DGCR2: variants seen among roughly 807,000 people sequenced by gnomAD.
DGCR2 encodes DiGeorge syndrome critical region gene 2, also known as integral membrane protein DGCR2/IDD.
In DGCR2, 24 loss-of-function variants were observed where a neutral mutation model predicts 51.6. The observed-to-expected ratio is 0.47, with a 90% confidence interval of 0.34 to 0.65. DGCR2 has a LOEUF of 0.65. DGCR2 is among the 30% of genes least tolerant of loss of function. The pLI is 0.01. For missense variants in DGCR2, 765 were observed against 772.1 expected, an observed-to-expected ratio of 0.99 and a Z score of 0.11; for synonymous variants, 340 against 315.4, an observed-to-expected ratio of 1.08 and a Z score of -0.82.
At position 19,057,304 on chromosome 22, in the gene DGCR2, T is replaced by C; in HGVS notation, c.626-142A>G. ...AGTACTGGTGGTCACTGTGGCCAGGTGTTCACTCGGGACTCCCCAACCTCC... is the reference window on the plus strand; with the variant it reads ...AGTACTGGTGGTCACTGTGGCCAGGCGTTCACTCGGGACTCCCCAACCTCC... On this transcript the variant is annotated intron_variant, in intron 5 of 9. Transcript: ENST00000263196. This position sits in a 1 kb window ranked among gnomAD's most constrained non-coding sequence, Gnocchi z 5.1. The C allele has an allele frequency of 1.0e-6, 1 of 983,080 alleles. No individual in the cohort carries two copies. The allele number at this position is 983,080 out of a possible 1,614,324, so 60.9% of individuals were successfully genotyped here.
chr22:19,114,151 G>GA (rs148030541), intron 1 of DGCR2, among the ~76,000 whole-genome samples: 22,608 of 112,888 alleles, frequency 0.2, 1,759 homozygotes, highest in South Asian at 0.31. Context: ...TGTTACCAAA[G>GA]GAAAAAAAAA....
chr22:19,085,105 G>GAA (rs111548476), intron 2 of DGCR2, among the ~76,000 whole-genome samples: 32,710 of 137,338 alleles, frequency 0.24, 4,169 homozygotes, highest in Middle Eastern at 0.38. Flanking sequence ...TCCTGCCTTG[G>GAA]AAAAAAAAAA....
intron 1 of DGCR2, among the ~76,000 whole-genome samples, chr22:19,093,529 G>C (rs564770703): frequency 2.0e-5 from 3 of 152,224 alleles, no homozygotes; most frequent in Non-Finnish European, 4.4e-5. Context: ...TTGATAAATT[G>C]GACTTCATCA....
chr22:19,071,939 G>A (rs983418814), intron 2 of DGCR2, among the ~76,000 whole-genome samples: 1 of 152,084 alleles, frequency 6.6e-6, no homozygotes, highest in Non-Finnish European at 1.5e-5. Context: ...TAAAGGTGCG[G>A]CAGGACACTA....
At chr22:19,071,656 G>A (rs1308817643) in intron 2 of DGCR2, among the ~76,000 whole-genome samples, 6 of 152,266 alleles carry the variant, frequency 3.9e-5, no homozygotes, top group African/African-American at 7.2e-5. Context: ...AAAGCAATAC[G>A]GCAATAACAT....
chr22:19,112,183 G>GA (rs1281235089), intron 1 of DGCR2, among the ~76,000 whole-genome samples: 1 of 150,602 alleles, frequency 6.6e-6, no homozygotes, highest in Non-Finnish European at 1.5e-5. Flanking sequence ...TGAGGCAGGA[G>GA]AATCGCTTGA....
chr22:19,066,405 G>GA (rs886371125), intron 3 of DGCR2, among the ~76,000 whole-genome samples: 27 of 150,166 alleles, frequency 1.8e-4, no homozygotes, highest in Middle Eastern at 3.4e-3. Flanking sequence ...GACCCTGTCT[G>GA]AAAAAAAACA....
chr22:19,113,445 C>G (rs2146054824), intron 1 of DGCR2, among the ~76,000 whole-genome samples: 1 of 152,140 alleles, frequency 6.6e-6, no homozygotes, highest in Non-Finnish European at 1.5e-5. Flanking sequence ...ATGCACACAC[C>G]TCTTGGGCTA....
At position 19,037,243 on chromosome 22, in the gene DGCR2, A is replaced by G. The variant is rs1447028638; in HGVS notation, c.*1622T>C. On this transcript the variant is annotated 3_prime_UTR_variant, in exon 10 of 10. Coordinates refer to ENST00000263196, the MANE Select transcript of DGCR2 (RefSeq NM_005137.3). ...ATGCTCCAGCAGGCCAAGCTCAGGG[A>G]CAGGCAATTCAGTAACAAAACTCAC... 1 of 152,398 alleles carries G rather than the reference A, an allele frequency of 6.6e-6. No homozygotes were observed. Among genetic ancestry groups the G allele is most frequent in the Non-Finnish European group, 1.5e-5 (1 of 68,140 alleles). 9.4% of individuals were successfully genotyped at this position (152,398 alleles called of 1,614,324 possible). A position where few individuals can be genotyped will look rare whatever the true frequency, so the allele number is the denominator to read the frequency against.
At chr22:19,084,009 C>T (rs537270289) in intron 2 of DGCR2, among the ~76,000 whole-genome samples, 2 of 152,260 alleles carry the variant, frequency 1.3e-5, no homozygotes, top group South Asian at 2.1e-4. Context: ...GACGGAGTCT[C>T]GTTCACTCAG....
intron 8 of DGCR2, 124 bp downstream of exon 8, chr22:19,041,683 C>T (rs1275402635): frequency 1.7e-6 from 2 of 1,153,068 alleles, no homozygotes; most frequent in East Asian, 2.4e-5. Context: ...ACACAGACCC[C>T]ACAACATGTG....
intron 1 of DGCR2, among the ~76,000 whole-genome samples, chr22:19,110,766 T>C (rs548203241): frequency 6.6e-6 from 1 of 152,302 alleles, no homozygotes; most frequent in Admixed American, 6.5e-5. Flanking sequence ...ACCCACTCCA[T>C]GACTTTAAAA....
intron 5 of DGCR2, chr22:19,061,502 G>A (rs551273857): frequency 6.6e-6 from 1 of 152,220 alleles, no homozygotes; most frequent in African/African-American, 2.4e-5. Flanking sequence ...TCTTCCACAA[G>A]TCCCCACTCA....
At chr22:19,098,582 A>G (rs922615154) in intron 1 of DGCR2, among the ~76,000 whole-genome samples, 10 of 152,096 alleles carry the variant, frequency 6.6e-5, no homozygotes, top group African/African-American at 2.2e-4. Flanking sequence ...GACATTTTAC[A>G]TACATGTAAA....
At chr22:19,084,687 G>T (rs1271532902) in intron 2 of DGCR2, among the ~76,000 whole-genome samples, 1 of 109,314 alleles carries the variant, frequency 9.1e-6, no homozygotes, top group African/African-American at 3.3e-5. Context: ...GCCCCCGCCC[G>T]GCCAGCTGCC....
chr22:19,073,618 T>A (rs142276232), intron 2 of DGCR2, among the ~76,000 whole-genome samples: 46 of 152,312 alleles, frequency 3.0e-4, no homozygotes, highest in African/African-American at 1.1e-3. Context: ...AAAAATTATG[T>A]CACCAGCAAC....
At chr22:19,058,357 C>G (rs1415892014) in intron 5 of DGCR2, among the ~76,000 whole-genome samples, 1 of 152,190 alleles carries the variant, frequency 6.6e-6, no homozygotes, top group African/African-American at 2.4e-5. Context: ...CTGCATCTAT[C>G]AGACCCACAG....
At chr22:19,046,810 GGGCCCTGCTCT>G in intron 7 of DGCR2, 1 of 413,150 alleles carries the variant, frequency 2.4e-6, no homozygotes, top group Non-Finnish European at 5.0e-6. Context: ...GATGCACTAA[GGGCCCTGCTCT>G]GCTAAGAAGT....
In DGCR2 at chr22:19,094,763, T is replaced by C. The variant is rs577661049; in HGVS notation, c.80-5273A>G. Among the ~76,000 whole-genome samples the C allele has an allele frequency of 6.6e-5, 10 of 152,324 alleles. 1 individual carries two copies. Among genetic ancestry groups the C allele is most frequent in the African/African-American group, 2.4e-4 (10 of 41,582 alleles). On this transcript the variant is annotated intron_variant, in intron 1 of 9. Coordinates refer to ENST00000263196, the MANE Select transcript of DGCR2 (RefSeq NM_005137.3). ...TCTATCAAGAAGCAAATTGGTAAGT[T>C]GTGTACAGCCATACAATGGAATACT...
Sources: gnomAD v4.1 joint callset for allele counts (sites outside exome capture counted in the v4.1 genomes callset) on GRCh38, gnomAD v4.1.1 for gene constraint, Gnocchi (gnomAD v3.1) non-coding constraint, MANE v1.5 for transcripts, NCBI Gene and HGNC (gene_info 2026-07-23, HGNC 2026-07-21) for gene names.